RYR3: variants seen among roughly 807,000 people sequenced by gnomAD.
RYR3 encodes the protein ryanodine receptor 3.
Under a neutral mutation model 584.3 loss-of-function variants are expected in RYR3, and 207 were observed. That is an observed-to-expected ratio of 0.35 (90% CI 0.32 to 0.40). The LOEUF is 0.40. Among genes scored for constraint, RYR3 ranks in the 10% least tolerant of loss-of-function variants. RYR3 has a pLI of 1.00. For synonymous variants in RYR3, 2,416 were observed against 2,248.5 expected, an observed-to-expected ratio of 1.07 and a Z score of -2.11; for missense variants, 5,616 against 6,089.2, an observed-to-expected ratio of 0.92 and a Z score of 2.59.
chr15:33,544,314 T>C (rs966310250), intron 8 of RYR3, among the ~76,000 whole-genome samples: 1 of 152,070 alleles, frequency 6.6e-6, no homozygotes, highest in Non-Finnish European at 1.5e-5. Context: ...CATAAAAAGC[T>C]TGGCCTTGTA....
At chr15:33,819,712 AAATAAAT>A in intron 76 of RYR3, 37 bp from the exon 77 acceptor site, 1 of 910,420 alleles carries the variant, frequency 1.1e-6, no homozygotes, top group Non-Finnish European at 1.6e-6. Context: ...ATAAATAAAT[AAATAAAT>A]AAAAAGCCTG....
intron 43 of RYR3, among the ~76,000 whole-genome samples, chr15:33,711,917 G>C (rs1441316393): frequency 6.6e-6 from 1 of 152,118 alleles, no homozygotes; most frequent in East Asian, 1.9e-4. Context: ...CCAATCTTTG[G>C]TACAAATGTT....
intron 57 of RYR3, among the ~76,000 whole-genome samples, chr15:33,752,223 T>G (rs184498586): frequency 6.6e-6 from 1 of 152,148 alleles, no homozygotes; most frequent in African/African-American, 2.4e-5. Flanking sequence ...GCTCTTTTTT[T>G]GTTCCATATG....
Position 33,510,593 on chromosome 15 carries a change from ATT to A in RYR3, c.279+6870_279+6871del, listed in dbSNP as rs10543732. On this transcript the variant is annotated intron_variant, in intron 3 of 103. Coordinates refer to ENST00000634891, the MANE Select transcript of RYR3 (RefSeq NM_001036.6). ...ACTAAGCATTGAGTACATAATTTTA[ATT>A]TTTTTTTTTTTTTTGAGACAAGGTT... Among the ~76,000 whole-genome samples, 1,186 of 140,698 alleles carry A rather than the reference ATT, an allele frequency of 8.4e-3. 19 individuals carry two copies. The highest frequency in any genetic ancestry group is 0.028 in the African/African-American group (1,101 of 38,778). The allele number at this position is 140,698 out of a possible 152,430, so 92.3% of individuals were successfully genotyped here. A position where few individuals can be genotyped will look rare whatever the true frequency, so the allele number is the denominator to read the frequency against.
chr15:33,827,738 C>T (rs2077453617), intron 85 of RYR3, among the ~76,000 whole-genome samples: 1 of 152,168 alleles, frequency 6.6e-6, no homozygotes, highest in Admixed American at 6.6e-5. Flanking sequence ...TCTACACAAA[C>T]CTATTAACAA....
intron 1 of RYR3, among the ~76,000 whole-genome samples, chr15:33,461,499 C>T (rs764759505): frequency 5.3e-5 from 8 of 152,112 alleles, no homozygotes; most frequent in Admixed American, 4.6e-4. Flanking sequence ...TTCTCCTAAC[C>T]ATTATTTTAA....
chr15:33,724,225 A>T, intron 45 of RYR3, 49 bp downstream of exon 45: 1 of 996,774 alleles, frequency 1.0e-6, no homozygotes. Flanking sequence ...CTATGCCAAG[A>T]ACACTATAGA....
chr15:33,524,558 T>C (rs1352964869), intron 3 of RYR3, among the ~76,000 whole-genome samples: 1 of 152,244 alleles, frequency 6.6e-6, no homozygotes, highest in African/African-American at 2.4e-5. Context: ...GAAAAGGTTA[T>C]GGACTTCCTT....
intron 1 of RYR3, among the ~76,000 whole-genome samples, chr15:33,353,365 A>G (rs1973533188): frequency 6.6e-6 from 1 of 152,206 alleles, no homozygotes; most frequent in South Asian, 2.1e-4. Context: ...GCAGGAGCAA[A>G]AGCAGAGAAA....
chr15:33,454,756 G>A (rs2047405811), intron 1 of RYR3, among the ~76,000 whole-genome samples: 1 of 152,104 alleles, frequency 6.6e-6, no homozygotes, highest in Non-Finnish European at 1.5e-5. Flanking sequence ...CATATACAAG[G>A]GCTCAGAGAT....
At chr15:33,631,734 C>G (rs1173806048) in intron 23 of RYR3, among the ~76,000 whole-genome samples, 13 of 152,190 alleles carry the variant, frequency 8.5e-5, no homozygotes, top group Non-Finnish European at 1.5e-5. Flanking sequence ...TGCCTCTCTC[C>G]CACTACATTC....
intron 31 of RYR3, among the ~76,000 whole-genome samples, chr15:33,650,830 A>G (rs774459897): frequency 6.6e-6 from 1 of 152,176 alleles, no homozygotes; most frequent in Non-Finnish European, 1.5e-5. Flanking sequence ...TGCAATTCAA[A>G]CCCATGTTTT....
At chr15:33,330,904 A>C (rs1356523612) in intron 1 of RYR3, among the ~76,000 whole-genome samples, 2 of 152,132 alleles carry the variant, frequency 1.3e-5, no homozygotes, top group Non-Finnish European at 2.9e-5. Context: ...TTTTAGTATT[A>C]TCTCTGCTAC....
In RYR3 at chr15:33,337,017, G is replaced by A. The variant is rs549389025; in HGVS notation, c.51+25921G>A. On this transcript the variant is annotated intron_variant, in intron 1 of 103. Coordinates refer to ENST00000634891, the MANE Select transcript of RYR3 (RefSeq NM_001036.6). ...AGCTTGCATGAGCCGAGATAGTGCC[G>A]CTGCACTCCAGCCTGGGTTACAGAG... Among the ~76,000 whole-genome samples, 24 of 125,624 alleles carry A rather than the reference G, an allele frequency of 1.9e-4. No individual in the cohort carries two copies. The East Asian group carries it at 4.4e-3, about 23-fold the overall frequency. 82.4% of individuals were successfully genotyped at this position (125,624 alleles called of 152,430 possible).
Position 33,865,284 on chromosome 15 carries a change from C to A in RYR3, c.*58C>A. ...AGTCAACTTCCCATGAAATAAAGTCCCCTTTTTACAGTTCTGCAACATATC... is the reference window on the plus strand; with the variant it reads ...AGTCAACTTCCCATGAAATAAAGTCACCTTTTTACAGTTCTGCAACATATC... On this transcript the variant is annotated 3_prime_UTR_variant, in exon 104 of 104. Coordinates refer to ENST00000634891, the MANE Select transcript of RYR3 (RefSeq NM_001036.6). 1 of 1,245,500 alleles carries A rather than the reference C, an allele frequency of 8.0e-7. No individual in the cohort carries two copies. The highest frequency in any genetic ancestry group is 1.2e-6 in the Non-Finnish European group (1 of 858,972). 77.2% of individuals were successfully genotyped at this position (1,245,500 alleles called of 1,614,324 possible). A position where few individuals can be genotyped will look rare whatever the true frequency, so the allele number is the denominator to read the frequency against.
chr15:33,660,474 C>T (rs1253143494), intron 34 of RYR3, 51 bp downstream of exon 34: 3 of 1,299,968 alleles, frequency 2.3e-6, no homozygotes, highest in Non-Finnish European at 3.2e-6. Context: ...GCAGGTGAGG[C>T]AGAGCCAAGC....
chr15:33,641,380 AC>A (rs1192722625), intron 27 of RYR3, among the ~76,000 whole-genome samples: 6 of 152,212 alleles, frequency 3.9e-5, no homozygotes, highest in Admixed American at 6.5e-5. Context: ...ACTAAGCCTG[AC>A]ATTTACAAGG....
intron 1 of RYR3, among the ~76,000 whole-genome samples, chr15:33,380,313 T>C (rs760948642): frequency 1.3e-5 from 2 of 152,194 alleles, no homozygotes. Flanking sequence ...CAAAGGGGAC[T>C]GACCAGAGGC....
intron 36 of RYR3, among the ~76,000 whole-genome samples, chr15:33,664,446 C>T (rs2063356232): frequency 6.6e-6 from 1 of 151,746 alleles, no homozygotes; most frequent in African/African-American, 2.4e-5. Flanking sequence ...CTCACTTAGA[C>T]CTTGCAGATG....
Sources: gnomAD v4.1 joint callset for allele counts (sites outside exome capture counted in the v4.1 genomes callset) on GRCh38, gnomAD v4.1.1 for gene constraint, MANE v1.5 for transcripts, NCBI Gene and HGNC (gene_info 2026-07-23, HGNC 2026-07-21) for gene names.